The following GRIN2A variants were observed in gnomAD, a reference collection of about 807,000 sequenced individuals.
GRIN2A encodes the protein glutamate ionotropic receptor NMDA type subunit 2A.
Under a neutral mutation model 113.4 loss-of-function variants are expected in GRIN2A, and 22 were observed. The ratio of observed to expected loss-of-function variants is 0.19; its 90% confidence interval spans 0.14 to 0.28. The LOEUF (loss-of-function observed/expected upper bound fraction) is 0.28, where lower values mean the gene tolerates loss of function less well. Ranked by LOEUF, GRIN2A falls within the 10% of genes least tolerant of loss-of-function variation. GRIN2A has a pLI of 1.00. For synonymous variants in GRIN2A, 827 were observed against 738.4 expected, an observed-to-expected ratio of 1.12 and a Z score of -1.94; for missense variants, 1,502 against 1,887.0, an observed-to-expected ratio of 0.80 and a Z score of 3.78.
In GRIN2A at chr16:9,840,788, G is replaced by A. The variant is rs1360906241; in HGVS notation, c.1510C>T (p.Arg504Trp). ...NGMIGEVVYQ[R>W]AVMAVGSLTI... is the part of the protein sequence containing the mutation. ...AGCGAGCCAACTGCCATGACTGCCC[G>A]TTGATAGACCACCTGGATGCAAGGC... The change falls in exon 7 of 13, where the codon CGG becomes TGG. Residue 504 changes from arginine to tryptophan, a missense_variant. Transcript: ENST00000330684. 4 of 1,497,996 alleles carry A rather than the reference G, an allele frequency of 2.7e-6. No individual in the cohort carries two copies. Among genetic ancestry groups the A allele is most frequent in the Admixed American group, 1.8e-5 (1 of 56,086 alleles). 92.8% of individuals were successfully genotyped at this position (1,497,996 alleles called of 1,614,324 possible).
intron 2 of GRIN2A, among the ~76,000 whole-genome samples, chr16:10,061,213 G>T (rs1401426388): frequency 6.6e-6 from 1 of 152,114 alleles, no homozygotes; most frequent in Non-Finnish European, 1.5e-5. Flanking sequence ...GGATCATGAA[G>T]CAACTTTAAT....
chr16:9,792,814 G>T (rs1050308459), intron 11 of GRIN2A, among the ~76,000 whole-genome samples: 2 of 152,144 alleles, frequency 1.3e-5, no homozygotes, highest in African/African-American at 4.8e-5. Flanking sequence ...ATTACTTATA[G>T]CTAAGCTGAC....
chr16:10,048,657 T>C (rs1327638951), intron 2 of GRIN2A, among the ~76,000 whole-genome samples: 5 of 152,094 alleles, frequency 3.3e-5, no homozygotes, highest in Non-Finnish European at 7.3e-5. Context: ...ATAGCCCAGG[T>C]CTGTGCCCTC....
chr16:10,070,081 T>A (rs1330945057), intron 2 of GRIN2A, among the ~76,000 whole-genome samples: 1 of 152,142 alleles, frequency 6.6e-6, no homozygotes, highest in African/African-American at 2.4e-5. Context: ...ACCTGGGACT[T>A]CAGTGGCAAC....
Position 10,022,324 on chromosome 16 carries a change from C to T in GRIN2A, c.415-83773G>A, listed in dbSNP as rs148641738. 4.3e-3 allele frequency among the ~76,000 whole-genome samples: 651 copies of T among 151,710 alleles called. 6 individuals are homozygous for T. Among genetic ancestry groups the T allele is most frequent in the Middle Eastern group, 0.02 (6 of 294 alleles). ...GTGCATGCACATATTCACACACACACGCACACACGCAAGCACGCACATACG... is the reference window on the plus strand; with the variant it reads ...GTGCATGCACATATTCACACACACATGCACACACGCAAGCACGCACATACG... On this transcript the variant is annotated intron_variant, in intron 2 of 12. Transcript: ENST00000330684.
intron 3 of GRIN2A, among the ~76,000 whole-genome samples, chr16:9,898,790 GT>G (rs71402415): frequency 0.33 from 46,110 of 140,242 alleles, 9,052 homozygotes; most frequent in African/African-American, 0.57. Flanking sequence ...TTCACAGAGT[GT>G]TTTTTTTTTG....
chr16:9,887,396 C>G (rs774172089), intron 4 of GRIN2A, among the ~76,000 whole-genome samples: 9 of 152,174 alleles, frequency 5.9e-5, no homozygotes, highest in Non-Finnish European at 1.3e-4. Flanking sequence ...GAACGTTTGC[C>G]TCCCTTGAAC....
Position 9,763,679 on chromosome 16 carries a change from G to A in GRIN2A, c.3865C>T (p.Gln1289Ter), listed in dbSNP as rs1555482178. ...TCGACAATGTTATCGTAGGAATGCT[G>A]ACGGCTAATCCTTAGCTTGTTCTTT... ...LQKNKLRISR[Q>*]HSYDNIVDKP... Residue 1289 changes from glutamine (Q) to a stop codon, truncating the protein, a stop_gained, in exon 13 of 13, where the codon CAG becomes TAG. Coordinates refer to ENST00000330684, the MANE Select transcript of GRIN2A (RefSeq NM_001134407.3). LOFTEE classifies it high-confidence loss of function. 1 of 1,613,906 alleles carries A rather than the reference G, an allele frequency of 6.2e-7. No individual in the cohort carries two copies. Among genetic ancestry groups the A allele is most frequent in the Non-Finnish European group, 8.5e-7 (1 of 1,180,004 alleles).
chr16:9,854,777 G>A (rs9933832), intron 4 of GRIN2A, among the ~76,000 whole-genome samples: 56,640 of 151,908 alleles, frequency 0.37, 11,895 homozygotes, highest in African/African-American at 0.58. Flanking sequence ...GGGTTGCACC[G>A]CATTTCCTCC....
At chr16:9,968,729 T>C (rs902531887) in intron 2 of GRIN2A, among the ~76,000 whole-genome samples, 1 of 152,126 alleles carries the variant, frequency 6.6e-6, no homozygotes, top group African/African-American at 2.4e-5. Flanking sequence ...TGCTTCAGTC[T>C]CCCAAGTAGC....
chr16:10,071,681 C>G (rs191888806), intron 2 of GRIN2A, among the ~76,000 whole-genome samples: 2 of 152,228 alleles, frequency 1.3e-5, no homozygotes, highest in South Asian at 2.1e-4. Context: ...ATGTACTGAG[C>G]CTGTACTCTT....
At chr16:9,878,277 T>C (rs2043410875) in intron 4 of GRIN2A, among the ~76,000 whole-genome samples, 1 of 152,160 alleles carries the variant, frequency 6.6e-6, no homozygotes, top group Admixed American at 6.5e-5. Flanking sequence ...AGTCCTGCCT[T>C]TACCACTGTA....
At chr16:9,843,976 C>A (rs1259012858) in intron 5 of GRIN2A, among the ~76,000 whole-genome samples, 1 of 152,194 alleles carries the variant, frequency 6.6e-6, no homozygotes, top group Non-Finnish European at 1.5e-5. Flanking sequence ...AAAAATGTGT[C>A]AAAATCGAAT....
chr16:9,763,164 G>A lies in GRIN2A; in HGVS notation c.4380C>T (p.Ile1460=), dbSNP rs769629103. 6.8e-6 allele frequency: 11 copies of A among 1,613,520 alleles called. No homozygotes were observed. The highest frequency in any genetic ancestry group is 4.5e-5 in the East Asian group (2 of 44,876). The part of the protein sequence containing the change: ...NRRVYKKMPS[I]ESDV The stretch of plus-strand genomic sequence containing the variant: ...TGGAAGATTTTTAAACATCAGATTC[G>A]ATACTAGGCATTTTCTTGTACACGC... The change falls in exon 13 of 13, where the codon ATC becomes ATT. Residue 1460 remains isoleucine, a synonymous_variant. Transcript: ENST00000330684.
chr16:10,053,467 G>A (rs1407755894), intron 2 of GRIN2A, among the ~76,000 whole-genome samples: 1 of 152,198 alleles, frequency 6.6e-6, no homozygotes, highest in Non-Finnish European at 1.5e-5. Context: ...TGAAATGTGT[G>A]CCTCTCTGAA....
intron 3 of GRIN2A, among the ~76,000 whole-genome samples, chr16:9,902,959 T>TGGGG (rs1191759288): frequency 4.0e-5 from 1 of 24,830 alleles, no homozygotes. Flanking sequence ...TTTTTTTTTT[T>TGGGG]GGCGGGGGGG....
chr16:10,116,918 G>T (rs980403744), intron 2 of GRIN2A, among the ~76,000 whole-genome samples: 3 of 152,174 alleles, frequency 2.0e-5, no homozygotes, highest in African/African-American at 7.2e-5. Flanking sequence ...CTTAGGCAGA[G>T]AGATGCCTGT....
At chr16:9,990,557 GCGCGCGCACA>G (rs902925217) in intron 2 of GRIN2A, among the ~76,000 whole-genome samples, 8 of 105,940 alleles carry the variant, frequency 7.6e-5, no homozygotes, top group Middle Eastern at 5.6e-3. Context: ...GCGCGCGCGC[GCGCGCGCACA>G]CACACACACA....
intron 7 of GRIN2A, among the ~76,000 whole-genome samples, chr16:9,837,528 C>T (rs1464932062): frequency 9.9e-5 from 15 of 152,134 alleles, no homozygotes; most frequent in Admixed American, 9.8e-4. Context: ...AAAGAGTTCT[C>T]TCTAGCTCAC....
Sources: allele counts gnomAD v4.1 joint callset (sites outside exome capture counted in the v4.1 genomes callset), GRCh38; gene constraint gnomAD v4.1.1; transcripts MANE v1.5; gene names NCBI Gene and HGNC (gene_info 2026-07-23, HGNC 2026-07-21).